The following LINGO2 variants were observed in gnomAD, a reference collection of about 807,000 sequenced individuals.
LINGO2 encodes leucine-rich repeat and immunoglobulin-like domain-containing nogo receptor-interacting protein 2.
A neutral mutation model predicts 30.6 loss-of-function variants in LINGO2; 14 were observed. The observed-to-expected ratio is 0.46, with a 90% CI of 0.30 to 0.72. LINGO2 has a LOEUF of 0.72. Ranked by LOEUF, LINGO2 falls within the 30% of genes least tolerant of loss-of-function variation. LINGO2 has a pLI of 0.07. For missense variants in LINGO2, 729 were observed against 751.7 expected, an observed-to-expected ratio of 0.97 and a Z score of 0.35; for synonymous variants, 317 against 288.5, an observed-to-expected ratio of 1.10 and a Z score of -1.00.
the LINGO2 span, among the ~76,000 whole-genome samples, chr9:28,986,477 T>A: frequency 2.6e-5 from 4 of 152,076 alleles, no homozygotes; most frequent in Non-Finnish European, 5.9e-5. Flanking sequence ...ATGGACATTT[T>A]AAAAATACTA....
intron 2 of LINGO2, among the ~76,000 whole-genome samples, chr9:28,409,827 A>G (rs1218893702): frequency 1.3e-5 from 2 of 151,094 alleles, no homozygotes; most frequent in African/African-American, 4.8e-5. Context: ...ACCTCTTTAA[A>G]CTAATCAAAC....
chr9:27,969,994 C>G (rs1318430181), intron 5 of LINGO2, among the ~76,000 whole-genome samples: 1 of 152,166 alleles, frequency 6.6e-6, no homozygotes, highest in Non-Finnish European at 1.5e-5. Flanking sequence ...ATACAATTTA[C>G]TAGTTTCAGC....
the LINGO2 span, among the ~76,000 whole-genome samples, chr9:29,057,600 AC>A: frequency 6.6e-6 from 1 of 152,150 alleles, no homozygotes; most frequent in African/African-American, 2.4e-5. Context: ...GTTTGGGGCT[AC>A]TAAGCAGCTT....
intron 4 of LINGO2, among the ~76,000 whole-genome samples, chr9:28,049,792 G>A (rs1824589248): frequency 6.6e-6 from 1 of 150,448 alleles, no homozygotes; most frequent in African/African-American, 2.5e-5. Context: ...GGAGGTAGGA[G>A]ACAATCAGAT....
the LINGO2 span, among the ~76,000 whole-genome samples, chr9:28,718,599 C>T: frequency 6.6e-6 from 1 of 152,018 alleles, no homozygotes; most frequent in Non-Finnish European, 1.5e-5. Flanking sequence ...AAAATTCTCT[C>T]ATCCAGTATT....
intron 4 of LINGO2, among the ~76,000 whole-genome samples, chr9:28,239,852 T>C (rs1251145289): frequency 6.6e-6 from 1 of 152,160 alleles, no homozygotes; most frequent in Non-Finnish European, 1.5e-5. Flanking sequence ...TTATCCTTCT[T>C]TGCAGATGAT....
chr9:28,152,419 C>T (rs906526455), intron 4 of LINGO2, among the ~76,000 whole-genome samples: 6 of 152,210 alleles, frequency 3.9e-5, no homozygotes, highest in Middle Eastern at 6.8e-3. Context: ...CAGATGCCAG[C>T]GCGCCATGGT....
chr9:29,212,851 C>T, the LINGO2 span, among the ~76,000 whole-genome samples: 1 of 152,198 alleles, frequency 6.6e-6, no homozygotes, highest in Admixed American at 6.5e-5. Flanking sequence ...ACTTAACCCC[C>T]ACCCCATCCC....
chr9:29,194,408 G>A, the LINGO2 span, among the ~76,000 whole-genome samples: 2 of 152,110 alleles, frequency 1.3e-5, no homozygotes, highest in African/African-American at 2.4e-5. Flanking sequence ...CTACTGATTA[G>A]TCCTATGTTT....
At chr9:28,946,857 C>T in the LINGO2 span, among the ~76,000 whole-genome samples, 1 of 151,950 alleles carries the variant, frequency 6.6e-6, no homozygotes, top group Non-Finnish European at 1.5e-5. Flanking sequence ...GTTGAATAAC[C>T]CAAGCAAATC....
intron 4 of LINGO2, among the ~76,000 whole-genome samples, chr9:28,216,456 C>T (rs932733236): frequency 6.6e-6 from 1 of 151,830 alleles, no homozygotes; most frequent in African/African-American, 2.4e-5. Context: ...TAGCATAACT[C>T]ACTTATATAT....
At chr9:28,924,743 T>C in the LINGO2 span, among the ~76,000 whole-genome samples, 4 of 152,236 alleles carry the variant, frequency 2.6e-5, no homozygotes, top group Non-Finnish European at 5.9e-5. Context: ...ATGTTTTCTA[T>C]TAGAGCAACA....
At chr9:29,162,000 A>G in the LINGO2 span, among the ~76,000 whole-genome samples, 2 of 149,658 alleles carry the variant, frequency 1.3e-5, no homozygotes. Flanking sequence ...GCTTACTACA[A>G]CCTCTGCCTC....
At chr9:28,566,551 C>G (rs1489459252) in intron 1 of LINGO2, among the ~76,000 whole-genome samples, 1 of 152,126 alleles carries the variant, frequency 6.6e-6, no homozygotes, top group Non-Finnish European at 1.5e-5. Flanking sequence ...TCCCTGAAAA[C>G]TGCTCCCTCA....
intron 4 of LINGO2, among the ~76,000 whole-genome samples, chr9:28,254,617 T>G (rs183271457): frequency 7.9e-5 from 12 of 152,256 alleles, no homozygotes; most frequent in African/African-American, 2.6e-4. Context: ...ACTTCCATCA[T>G]ATCCATCTTT....
intron 2 of LINGO2, among the ~76,000 whole-genome samples, chr9:28,445,548 T>C (rs1824389827): frequency 6.6e-6 from 1 of 152,186 alleles, no homozygotes; most frequent in Non-Finnish European, 1.5e-5. Context: ...TAGTGGTCTA[T>C]CAACATTTAA....
At chr9:28,681,939 C>T in the LINGO2 span, among the ~76,000 whole-genome samples, 1 of 152,080 alleles carries the variant, frequency 6.6e-6, no homozygotes, top group Non-Finnish European at 1.5e-5. Context: ...AAAATATTCT[C>T]AAATCATATT....
At chr9:28,491,515 T>G (rs189553784) in intron 1 of LINGO2, among the ~76,000 whole-genome samples, 1 of 152,252 alleles carries the variant, frequency 6.6e-6, no homozygotes, top group African/African-American at 2.4e-5. Context: ...TCACCAGTTT[T>G]CTGCCTACCA....
the LINGO2 span, among the ~76,000 whole-genome samples, chr9:29,056,888 A>T: frequency 3.9e-5 from 6 of 152,274 alleles, no homozygotes; most frequent in Non-Finnish European, 7.4e-5. Context: ...GTGGAAGTTC[A>T]GCCAGATGTA....
Sources: gnomAD v4.1 joint callset for allele counts (sites outside exome capture counted in the v4.1 genomes callset) on GRCh38, gnomAD v4.1.1 for gene constraint, MANE v1.5 for transcripts, NCBI Gene and HGNC (gene_info 2026-07-23, HGNC 2026-07-21) for gene names.